Variants in B4GALT4 observed in about 807,000 individuals in gnomAD.
B4GALT4 encodes N-acetyllactosamine synthase.
A neutral mutation model predicts 37.3 loss-of-function variants in B4GALT4; 27 were observed. The observed-to-expected ratio is 0.72, with a 90% CI of 0.53 to 1.00. The LOEUF (loss-of-function observed/expected upper bound fraction) is 1.00. Ranked by LOEUF, B4GALT4 falls within the 50% of genes least tolerant of loss-of-function variation. The pLI is 0.00. For missense variants in B4GALT4, 372 were observed against 413.1 expected (o/e 0.90, Z 0.86); for synonymous variants, 148 against 154.1 (o/e 0.96, Z 0.29).
intron 4 of B4GALT4, 163 bp downstream of exon 4, chr3:119,226,646 C>T (rs1276519451): frequency 3.0e-6 from 2 of 662,262 alleles, no homozygotes; most frequent in Non-Finnish European, 5.1e-6. Context: ...CACTCTGAGA[C>T]AAGAATTTCC....
chr3:119,221,186 C>A (rs2078439592), intron 5 of B4GALT4, among the ~76,000 whole-genome samples: 1 of 152,138 alleles, frequency 6.6e-6, no homozygotes, highest in Non-Finnish European at 1.5e-5. Flanking sequence ...ACAATAGAAT[C>A]CTTGTAGGAA....
chr3:119,221,311 G>C (rs2078443550), intron 5 of B4GALT4, among the ~76,000 whole-genome samples: 1 of 152,210 alleles, frequency 6.6e-6, no homozygotes, highest in Non-Finnish European at 1.5e-5. Context: ...CTTCATCAGA[G>C]TCTGAGAGAC....
intron 3 of B4GALT4, 92 bp downstream of exon 3, chr3:119,229,755 G>C: frequency 1.5e-6 from 2 of 1,305,088 alleles, no homozygotes; most frequent in Non-Finnish European, 1.1e-6. Context: ...TATTTATGGG[G>C]TACATGAGAT....
chr3:119,218,776 G>T lies in B4GALT4; in HGVS notation c.675-4C>A, dbSNP rs770907612. The stretch of plus-strand genomic sequence containing the variant: ...AAAATATCCACTGTAACGTAACCTG[G>T]AGCAAAAGAGATGAGAGAAATGGTA... On this transcript the variant is annotated splice_polypyrimidine_tract_variant and splice_region_variant and intron_variant, in intron 5 of 7. Coordinates refer to ENST00000393765, the MANE Select transcript of B4GALT4 (RefSeq NM_003778.4). 2.5e-6 allele frequency: 4 copies of T among 1,613,764 alleles called. No individual in the cohort carries two copies. The highest frequency in any genetic ancestry group is 2.2e-5 in the East Asian group (1 of 44,866).
chr3:119,213,370 G>T (rs1482733467), intron 7 of B4GALT4: 1 of 152,208 alleles, frequency 6.6e-6, no homozygotes, highest in Non-Finnish European at 1.5e-5. Flanking sequence ...GGTTCTACTT[G>T]TTCAGCAGTG....
At chr3:119,229,331 G>A (rs1309126100) in intron 3 of B4GALT4, among the ~76,000 whole-genome samples, 1 of 152,200 alleles carries the variant, frequency 6.6e-6, no homozygotes, top group Non-Finnish European at 1.5e-5. Flanking sequence ...CTAAACTTTT[G>A]TGGCTGGATA....
In B4GALT4 at chr3:119,224,033, G is replaced by GC. The variant is rs773550278; in HGVS notation, c.674+24dup. The GC allele has an allele frequency of 2.1e-5, 34 of 1,587,514 alleles. No individual in the cohort carries two copies. The African/African-American group carries it at 4.1e-4, about 19-fold the overall frequency. On this transcript the variant is annotated intron_variant, in intron 5 of 7. Coordinates refer to ENST00000393765, the MANE Select transcript of B4GALT4 (RefSeq NM_003778.4). Reference sequence around the variant, plus strand: ...ACAATAGTTGAGCTTCTCGACCTAAGCCACCCTCAGCAGAACCACCTTACC... The same window carrying GC: ...ACAATAGTTGAGCTTCTCGACCTAAGCCCACCCTCAGCAGAACCACCTTACC...
Position 119,228,366 on chromosome 3 carries a change from T to C in B4GALT4, c.254-1325A>G, listed in dbSNP as rs1289117188. ...CCTACCCCAACATCTTCTCAAGATC[T>C]GCCCCTCCTTGGGTCACTAATGGCC... On this transcript the variant is annotated intron_variant, in intron 3 of 7. Transcript: ENST00000393765. Among the ~76,000 whole-genome samples the C allele has an allele frequency of 3.9e-5, 6 of 152,174 alleles. No homozygotes were observed. In the South Asian group the frequency reaches 1.0e-3, roughly 26 times the overall value.
At chr3:119,223,123 T>C (rs1321956037) in intron 5 of B4GALT4, among the ~76,000 whole-genome samples, 2 of 152,226 alleles carry the variant, frequency 1.3e-5, no homozygotes, top group Non-Finnish European at 2.9e-5. Context: ...CTCTCTTCAT[T>C]TGTCCCTCTC....
chr3:119,218,434 C>G (rs2078353566), intron 6 of B4GALT4, among the ~76,000 whole-genome samples: 1 of 152,188 alleles, frequency 6.6e-6, no homozygotes, highest in African/African-American at 2.4e-5. Context: ...ACCAACACTT[C>G]TGGACCCCAA....
At chr3:119,226,004 T>C (rs546815469) in intron 4 of B4GALT4, among the ~76,000 whole-genome samples, 1 of 152,338 alleles carries the variant, frequency 6.6e-6, no homozygotes, top group Non-Finnish European at 1.5e-5. Context: ...ATATTACCTG[T>C]TCTAACAGTA....
At chr3:119,227,121 A>G in intron 3 of B4GALT4, 80 bp from the exon 4 acceptor site, 2 of 1,219,078 alleles carry the variant, frequency 1.6e-6, no homozygotes, top group Non-Finnish European at 2.4e-6. Context: ...ATATGCATAG[A>G]AAGAACACTG....
chr3:119,239,509 T>C (rs1451776864), intron 1 of B4GALT4, among the ~76,000 whole-genome samples: 2 of 152,074 alleles, frequency 1.3e-5, no homozygotes, highest in Non-Finnish European at 2.9e-5. Flanking sequence ...CCCAAAACAT[T>C]TGCATGCATC....
At position 119,226,937 on chromosome 3, in the gene B4GALT4, C is replaced by G; in HGVS notation, c.358G>C (p.Ala120Pro). Reference sequence around the variant, plus strand: ...ACGAGGATGGCGACCCTCTGTAAAGCTTTACATTCCTGAGGGCGATACCGG... The same window carrying G: ...ACGAGGATGGCGACCCTCTGTAAAGGTTTACATTCCTGAGGGCGATACCGG... Reference protein sequence around the residue: ...RGRYRPQECKALQRVAILVPH... With the variant: ...RGRYRPQECKPLQRVAILVPH... The change falls in exon 4 of 8, where the codon GCT (alanine) becomes CCT (proline). Residue 120 changes from alanine to proline, a missense_variant. By Grantham distance (27) the Ala-to-Pro change is conservative. Coordinates refer to ENST00000393765, the MANE Select transcript of B4GALT4 (RefSeq NM_003778.4). The G allele has an allele frequency of 6.2e-7, 1 of 1,614,170 alleles. No homozygotes were observed. Among genetic ancestry groups the G allele is most frequent in the South Asian group, 1.1e-5 (1 of 91,076 alleles).
In B4GALT4 at chr3:119,228,934, C is replaced by T. The variant is rs553511683; in HGVS notation, c.253+913G>A. 1.8e-4 allele frequency among the ~76,000 whole-genome samples: 24 copies of T among 136,138 alleles called. No individual in the cohort carries two copies. In the East Asian group the frequency reaches 5.4e-3, roughly 30 times the overall value. 89.3% of individuals were successfully genotyped at this position (136,138 alleles called of 152,430 possible). On this transcript the variant is annotated intron_variant, in intron 3 of 7. Transcript: ENST00000393765. Reference sequence around the variant, plus strand: ...TGTGCGCACACACACCAAGGAAAGGCATGTGAGGACAATATCCAGTAAGAG... The same window carrying T: ...TGTGCGCACACACACCAAGGAAAGGTATGTGAGGACAATATCCAGTAAGAG...
At chr3:119,222,145 A>G (rs904075032) in intron 5 of B4GALT4, among the ~76,000 whole-genome samples, 2 of 152,238 alleles carry the variant, frequency 1.3e-5, no homozygotes, top group African/African-American at 4.8e-5. Context: ...GTTTAAAAAA[A>G]TCTGGGCAAT....
At chr3:119,228,423 T>TAG (rs1352525736) in intron 3 of B4GALT4, among the ~76,000 whole-genome samples, 1 of 152,176 alleles carries the variant, frequency 6.6e-6, no homozygotes, top group East Asian at 1.9e-4. Context: ...ACATCACCTT[T>TAG]AGTCCAGTAC....
chr3:119,220,320 T>C (rs890293837), intron 5 of B4GALT4, among the ~76,000 whole-genome samples: 4 of 152,226 alleles, frequency 2.6e-5, no homozygotes, highest in Non-Finnish European at 5.9e-5. Flanking sequence ...CTGATCAGGA[T>C]GCGGTAATAA....
At chr3:119,220,120 A>C (rs761857147) in intron 5 of B4GALT4, among the ~76,000 whole-genome samples, 1 of 152,242 alleles carries the variant, frequency 6.6e-6, no homozygotes, top group South Asian at 2.1e-4. Context: ...AGATTTACTT[A>C]TATGCCCCTA....
Sources: allele counts gnomAD v4.1 joint callset (sites outside exome capture counted in the v4.1 genomes callset), GRCh38; gene constraint gnomAD v4.1.1; transcripts MANE v1.5; gene names NCBI Gene and HGNC (gene_info 2026-07-23, HGNC 2026-07-21).